Variants in STS observed in about 807,000 individuals in gnomAD.
STS encodes steryl-sulfatase.
STS carries 7 observed loss-of-function variants against 26.8 expected under a neutral mutation model. The ratio of observed to expected loss-of-function variants is 0.26; its 90% confidence interval spans 0.15 to 0.49. The LOEUF is 0.49. STS is among the 20% of genes least tolerant of loss of function. The pLI is 0.98. For synonymous variants in STS, 199 were observed against 189.4 expected (o/e 1.05, Z -0.42); for missense variants, 434 against 465.6 (o/e 0.93, Z 0.63).
chrX:7,214,981 CATAT>C (rs1271635413), intron 2 of STS, among the ~76,000 whole-genome samples: 1 of 37,702 alleles, frequency 2.7e-5, no homozygotes, highest in Admixed American at 3.4e-4. Context: ...TGTATATATA[CATAT>C]ATATACGTAT....
At chrX:7,305,749 G>A (rs777617763) in intron 8 of STS, among the ~76,000 whole-genome samples, 2 of 111,376 alleles carry the variant, frequency 1.8e-5, no homozygotes, top group African/African-American at 6.5e-5. Flanking sequence ...GTCTGTGTCC[G>A]ACCTGTGCTT....
chrX:7,204,000 C>G (rs765495011), intron 2 of STS, among the ~76,000 whole-genome samples: 8 of 111,287 alleles, frequency 7.2e-5, no homozygotes, highest in African/African-American at 2.6e-4. Flanking sequence ...GCGCAGGCTG[C>G]TCTCAAACTT....
At chrX:7,259,295 A>G in intron 5 of STS, 54 bp from the exon 6 acceptor site, 1 of 1,107,159 alleles carries the variant, frequency 9.0e-7, no homozygotes, top group Non-Finnish European at 1.2e-6. Context: ...AGAAGCTTGG[A>G]TTGGAATCAG....
chrX:7,221,299 T>A (rs1238022307), intron 2 of STS, among the ~76,000 whole-genome samples: 1 of 112,377 alleles, frequency 8.9e-6, no homozygotes, highest in Non-Finnish European at 1.9e-5. Flanking sequence ...CCATTCCCCA[T>A]GTTGGATAAA....
intron 2 of STS, among the ~76,000 whole-genome samples, chrX:7,206,047 G>C (rs1458077800): frequency 8.9e-6 from 1 of 111,819 alleles, no homozygotes; most frequent in Non-Finnish European, 1.9e-5. Context: ...TTAGGATTTT[G>C]TCTTGGTCCT....
At position 7,208,718 on chromosome X, in the gene STS, G is replaced by A. The variant is rs767497449; in HGVS notation, c.-5+17710G>A. On this transcript the variant is annotated intron_variant, in intron 2 of 10. Coordinates refer to ENST00000674429, the MANE Select transcript of STS (RefSeq NM_001320752.2). ...TAATTTCCAAACACTGCTATAACACGTTATAGTGAACTGAGTGGGTTAAAA... is the reference window on the plus strand; with the variant it reads ...TAATTTCCAAACACTGCTATAACACATTATAGTGAACTGAGTGGGTTAAAA... Among the ~76,000 whole-genome samples, 12 of 110,343 alleles carry A rather than the reference G, an allele frequency of 1.1e-4. No individual in the cohort carries two copies. The South Asian group carries it at 1.5e-3, about 14-fold the overall frequency.
intron 10 of STS, among the ~76,000 whole-genome samples, chrX:7,335,321 C>T (rs1161121969): frequency 8.9e-6 from 1 of 112,309 alleles, no homozygotes; most frequent in East Asian, 2.8e-4. Flanking sequence ...GAGATGGTAT[C>T]TCATTGTGGT....
At chrX:7,217,754 A>G (rs1276030497) in intron 2 of STS, among the ~76,000 whole-genome samples, 2 of 111,586 alleles carry the variant, frequency 1.8e-5, no homozygotes, top group Non-Finnish European at 3.8e-5. Flanking sequence ...TCACCAGGCT[A>G]GAGTCCCTTC....
intron 1 of STS, among the ~76,000 whole-genome samples, chrX:7,162,498 C>T (rs1287079014): frequency 9.1e-6 from 1 of 110,444 alleles, no homozygotes; most frequent in African/African-American, 3.3e-5. Context: ...TTCCTCTTGG[C>T]GGTTCCAAGA....
At chrX:7,258,998 T>A (rs1923585584) in intron 5 of STS, among the ~76,000 whole-genome samples, 1 of 111,797 alleles carries the variant, frequency 8.9e-6, no homozygotes, top group Non-Finnish European at 1.9e-5. Context: ...GATTTTTATC[T>A]GATTGGGGTT....
intron 2 of STS, among the ~76,000 whole-genome samples, chrX:7,225,561 T>C (rs192033437): frequency 7.2e-5 from 8 of 111,622 alleles, no homozygotes; most frequent in African/African-American, 9.8e-5. Flanking sequence ...AGGTTTTTTA[T>C]TGGGAGCTGT....
chrX:7,271,900 A>C (rs1254602030), intron 6 of STS, among the ~76,000 whole-genome samples: 1 of 109,923 alleles, frequency 9.1e-6, no homozygotes, highest in Non-Finnish European at 1.9e-5. Flanking sequence ...TTTTCAGAGA[A>C]CTGGGGATGC....
At chrX:7,223,821 A>C (rs897340551) in intron 2 of STS, among the ~76,000 whole-genome samples, 2 of 111,371 alleles carry the variant, frequency 1.8e-5, no homozygotes, top group African/African-American at 6.5e-5. Flanking sequence ...TCATGAAGTA[A>C]AGCCAAGAGT....
At chrX:7,224,134 A>G (rs1921699895) in intron 2 of STS, among the ~76,000 whole-genome samples, 1 of 111,792 alleles carries the variant, frequency 8.9e-6, no homozygotes, top group Admixed American at 9.6e-5. Context: ...AAAGGGGACG[A>G]GTTGACTTTA....
At chrX:7,195,234 TA>T (rs1279622319) in intron 2 of STS, among the ~76,000 whole-genome samples, 1 of 111,956 alleles carries the variant, frequency 8.9e-6, no homozygotes, top group African/African-American at 3.3e-5. Flanking sequence ...TCTTTGGTAA[TA>T]CCTGTACCAC....
chrX:7,198,305 G>C (rs1215662209), intron 2 of STS, among the ~76,000 whole-genome samples: 12 of 111,453 alleles, frequency 1.1e-4, no homozygotes, highest in Non-Finnish European at 2.3e-4. Context: ...TCTTCTTGCT[G>C]TCTTCTGTGC....
intron 1 of STS, among the ~76,000 whole-genome samples, chrX:7,189,749 G>A (rs1320492659): frequency 1.8e-5 from 2 of 111,604 alleles, no homozygotes; most frequent in South Asian, 3.8e-4. Context: ...GCTGTGGAAA[G>A]GACAGCTGTC....
intron 8 of STS, among the ~76,000 whole-genome samples, chrX:7,306,368 G>A (rs759837176): frequency 4.0e-4 from 45 of 111,156 alleles, no homozygotes; most frequent in Non-Finnish European, 5.8e-4. Context: ...ATGGGTTGAA[G>A]GTACAAGAAG....
chrX:7,216,866 T>C (rs1320085347), intron 2 of STS, among the ~76,000 whole-genome samples: 2 of 111,753 alleles, frequency 1.8e-5, no homozygotes, highest in African/African-American at 6.5e-5. Flanking sequence ...CAATAAGCCA[T>C]TTTCCAGAAC....
Sources: allele counts gnomAD v4.1 joint callset (sites outside exome capture counted in the v4.1 genomes callset), GRCh38; gene constraint gnomAD v4.1.1; transcripts MANE v1.5; gene names NCBI Gene and HGNC (gene_info 2026-07-23, HGNC 2026-07-21).